PAPLN: variants seen among roughly 807,000 people sequenced by gnomAD.
The protein encoded by PAPLN is papilin.
Under a neutral mutation model 159.0 loss-of-function variants are expected in PAPLN, and 146 were observed. The observed-to-expected ratio is 0.92, with a 90% confidence interval of 0.80 to 1.05. The LOEUF (loss-of-function observed/expected upper bound fraction) is 1.05, where lower values mean the gene tolerates loss of function less well. PAPLN is among the 50% of genes least tolerant of loss of function. The pLI is 0.00. For synonymous variants in PAPLN, 734 were observed against 702.9 expected (o/e 1.04, Z -0.70); for missense variants, 1,720 against 1,743.9 (o/e 0.99, Z 0.24).
At chr14:73,271,503 A>AT (rs57834403) in intron 26 of PAPLN, among the ~76,000 whole-genome samples, 15,355 of 143,554 alleles carry the variant, frequency 0.11, 1,123 homozygotes, top group East Asian at 0.22. Context: ...GTAGAATGAA[A>AT]TTTTTTTTTT....
chr14:73,266,754 T>C lies in PAPLN; in HGVS notation c.3423T>C (p.Thr1141=), dbSNP rs778681504. ...GELTISGLPP[T]VTVPEGDTAR... The stretch of plus-strand genomic sequence containing the variant: ...TGACAATCTCAGGACTGCCCCCTAC[T>C]GTGACAGTGCCAGAGGGTGATACGG... The change falls in exon 25 of 27, where the codon ACT becomes ACC. Residue 1141 remains threonine, a synonymous_variant. Coordinates refer to ENST00000644200, the MANE Select transcript of PAPLN (RefSeq NM_001365906.3). The C allele has an allele frequency of 2.5e-6, 4 of 1,613,898 alleles. No homozygotes were observed. Among genetic ancestry groups the C allele is most frequent in the East Asian group, 2.2e-5 (1 of 44,884 alleles).
At chr14:73,262,879 A>G in intron 19 of PAPLN, 52 bp downstream of exon 19, 1 of 1,375,828 alleles carries the variant, frequency 7.3e-7, no homozygotes, top group South Asian at 2.0e-5. Context: ...GACAAGGAGC[A>G]TGCCAGTTGG....
chr14:73,248,092 T>C lies in PAPLN; in HGVS notation c.335-1892T>C, dbSNP rs967469010. ...CATATCCTCTGTGTGTGTGTGTGTG[T>C]GTGTGTGTGTGTGTGCGCGTGTGTG... is the stretch of plus-strand genomic sequence containing the variant. On this transcript the variant is annotated intron_variant, in intron 5 of 26. Coordinates refer to ENST00000644200, the MANE Select transcript of PAPLN (RefSeq NM_001365906.3). Among the ~76,000 whole-genome samples the C allele has an allele frequency of 7.1e-4, 72 of 101,708 alleles. 3 individuals are homozygous for C. The highest frequency in any genetic ancestry group is 3.4e-3 in the East Asian group (4 of 1,176). 66.7% of individuals were successfully genotyped at this position (101,708 alleles called of 152,430 possible). A position where few individuals can be genotyped will look rare whatever the true frequency, so the allele number is the denominator to read the frequency against.
intron 6 of PAPLN, among the ~76,000 whole-genome samples, chr14:73,250,698 G>A (rs1288663204): frequency 6.6e-6 from 1 of 152,190 alleles, no homozygotes; most frequent in East Asian, 1.9e-4. Flanking sequence ...AGGAAAACAG[G>A]GCATTATTAC....
In PAPLN at chr14:73,260,221, A is replaced by T. The variant is rs563464292; in HGVS notation, c.1986-488A>T. Among the ~76,000 whole-genome samples, 45 of 152,244 alleles carry T rather than the reference A, an allele frequency of 3.0e-4. 1 individual carries two copies. In the South Asian group the frequency reaches 8.9e-3, roughly 30 times the overall value. ...TCGTGATGGGGTTCCTGTGAGGGTG[A>T]AGTGCATCACAGCATGCCTGGCACA... On this transcript the variant is annotated intron_variant, in intron 16 of 26. Transcript: ENST00000644200.
Position 73,254,651 on chromosome 14 carries a change from C to A in PAPLN, c.1441C>A (p.Pro481Thr). 1.2e-6 allele frequency: 2 copies of A among 1,614,024 alleles called. No homozygotes were observed. Among genetic ancestry groups the A allele is most frequent in the Non-Finnish European group, 1.7e-6 (2 of 1,179,918 alleles). The part of the protein sequence containing the change: ...LTEPCVHEDC[P>T]LLSDQAWHVG... ...TGAGCCCTGTGTGCATGAGGACTGC[C>A]CCCTCCTCAGTGACCAGGCCTGGCA... Residue 481 changes from proline to threonine, a missense_variant, in exon 13 of 27, where the codon CCC becomes ACC. Transcript: ENST00000644200.
intron 10 of PAPLN, 36 bp downstream of exon 10, chr14:73,252,177 C>A: frequency 1.3e-6 from 2 of 1,546,100 alleles, no homozygotes; most frequent in South Asian, 1.2e-5. Flanking sequence ...GGGCATGGGC[C>A]CTGTGTGCTG....
In PAPLN at chr14:73,251,939, T is replaced by C. The variant is rs1052323842; in HGVS notation, c.844-79T>C. 101 of 1,550,978 alleles carry C rather than the reference T, an allele frequency of 6.5e-5. No homozygotes were observed. The Middle Eastern group carries it at 1.9e-3, about 29-fold the overall frequency. ...GGTTGAGTGGCTCTGGGCTTGAGGC[T>C]GGCAGGGGGCTGTGAGGCTGCGGAG... On this transcript the variant is annotated intron_variant, in intron 9 of 26. Transcript: ENST00000644200.
rs1170940326 is a variant in PAPLN, at chr14:73,250,900, C to T, written c.466-7C>T. The T allele has an allele frequency of 1.1e-5, 18 of 1,609,784 alleles. No individual in the cohort carries two copies. The highest frequency in any genetic ancestry group is 2.7e-5 in the African/African-American group (2 of 74,990). The stretch of plus-strand genomic sequence containing the variant: ...GTCTCCCCTGCCTCCCGCATCTCTG[C>T]CCACAGGTTGTCGGCTGTGATCACG... On this transcript the variant is annotated splice_region_variant and splice_polypyrimidine_tract_variant and intron_variant, in intron 6 of 26. Transcript: ENST00000644200.
At position 73,259,334 on chromosome 14, in the gene PAPLN, CGAG is replaced by C. The variant is rs762657512; in HGVS notation, c.1776_1778del (p.Gly593del). On this transcript the variant is annotated inframe_deletion, in exon 16 of 27. Coordinates refer to ENST00000644200, the MANE Select transcript of PAPLN (RefSeq NM_001365906.3). ...AGCCAGGGGTGACCACAGGGGAGAA[CGAG>C]GTGACCCCAGGGGCGACCAAGGCAC... is the stretch of plus-strand genomic sequence containing the variant. 6.2e-7 allele frequency: 1 copy of C among 1,609,088 alleles called. No homozygotes were observed. Among genetic ancestry groups the C allele is most frequent in the Non-Finnish European group, 8.5e-7 (1 of 1,177,104 alleles).
At chr14:73,253,042 C>T (rs1885477382) in intron 11 of PAPLN, 4 of 1,181,476 alleles carry the variant, frequency 3.4e-6, no homozygotes, top group Non-Finnish European at 3.5e-6. Flanking sequence ...GAGAAGGTTC[C>T]AGAGGTCCCT....
chr14:73,251,870 G>T, intron 9 of PAPLN, 34 bp downstream of exon 9: 4 of 1,562,848 alleles, frequency 2.6e-6, no homozygotes, highest in Non-Finnish European at 3.5e-6. Flanking sequence ...GGGCGAGTGG[G>T]CAGCTCGTGG....
intron 16 of PAPLN, 22 bp from the exon 17 acceptor site, chr14:73,260,687 G>A: frequency 6.9e-7 from 1 of 1,441,648 alleles, no homozygotes; most frequent in Non-Finnish European, 9.1e-7. Context: ...GGGCAGTGAG[G>A]GGCTGTGTGA....
chr14:73,238,049 G>A (rs1883160057), intron 1 of PAPLN, among the ~76,000 whole-genome samples: 1 of 152,188 alleles, frequency 6.6e-6, no homozygotes, highest in African/African-American at 2.4e-5. Flanking sequence ...CCGCCTCGGG[G>A]GTGCGCGGCG....
Position 73,246,139 on chromosome 14 carries a change from C to A in PAPLN, c.298C>A (p.Gln100Lys). 1 of 1,590,418 alleles carries A rather than the reference C, an allele frequency of 6.3e-7. No homozygotes were observed. Among genetic ancestry groups the A allele is most frequent in the Non-Finnish European group, 8.5e-7 (1 of 1,171,270 alleles). ...CGCGGAGTTCGACGGAGCGGAGTTC[C>A]AGGGGCGGCGGTATCGGTGGCTGCC... ...QCAEFDGAEFQGRRYRWLPYY... is the reference protein window; with the variant it reads ...QCAEFDGAEFKGRRYRWLPYY... The change falls in exon 5 of 27, where the codon CAG (glutamine) becomes AAG (lysine). Residue 100 changes from glutamine (Q) to lysine (K), a missense_variant. Coordinates refer to ENST00000644200, the MANE Select transcript of PAPLN (RefSeq NM_001365906.3).
intron 2 of PAPLN, among the ~76,000 whole-genome samples, chr14:73,242,419 A>G (rs2242606): frequency 0.14 from 21,817 of 152,228 alleles, 1,958 homozygotes; most frequent in East Asian, 0.42. Context: ...GAGCCAAGAC[A>G]GACATCCAAA....
At position 73,264,024 on chromosome 14, in the gene PAPLN, T is replaced by C. The variant is rs563438422; in HGVS notation, c.2862-187T>C. The C allele has an allele frequency of 2.7e-3, 3,852 of 1,435,396 alleles. 101 individuals are homozygous for C. The African/African-American group carries it at 0.043, about 16-fold the overall frequency. 88.9% of individuals were successfully genotyped at this position (1,435,396 alleles called of 1,614,324 possible). On this transcript the variant is annotated intron_variant, in intron 20 of 26. Transcript: ENST00000644200. ...TCCTCTGACAGGTTCACGTGACAGCTCCCTCCACCTCCGCTGACAGGTGTG... is the reference window on the plus strand; with the variant it reads ...TCCTCTGACAGGTTCACGTGACAGCCCCCTCCACCTCCGCTGACAGGTGTG...
Position 73,259,385 on chromosome 14 carries a change from G to C in PAPLN, c.1825G>C (p.Ala609Pro). 3.1e-6 allele frequency: 5 copies of C among 1,612,040 alleles called. No homozygotes were observed. The highest frequency in any genetic ancestry group is 4.2e-6 in the Non-Finnish European group (5 of 1,179,206). The change falls in exon 16 of 27, where the codon GCT becomes CCT. Residue 609 changes from alanine to proline, a missense_variant. Physicochemically the swap from Ala to Pro is conservative, Grantham distance 27. Coordinates refer to ENST00000644200, the MANE Select transcript of PAPLN (RefSeq NM_001365906.3). The stretch of plus-strand genomic sequence containing the variant: ...CACCCACCTGTCAGCCCTGGGCCCC[G>C]CTCCCTCTCTGCAGCAGCCCCCATA... ...QGTHLSALGP[A>P]PSLQQPPYQQ...
intron 4 of PAPLN, 30 bp from the exon 5 acceptor site, chr14:73,246,043 C>T (rs1884241242): frequency 1.3e-6 from 2 of 1,515,806 alleles, no homozygotes; most frequent in Non-Finnish European, 1.8e-6. Flanking sequence ...CTCCGCCCTC[C>T]TGGATCCCGA....
Sources: gnomAD v4.1 joint callset for allele counts (sites outside exome capture counted in the v4.1 genomes callset) on GRCh38, gnomAD v4.1.1 for gene constraint, MANE v1.5 for transcripts, NCBI Gene and HGNC (gene_info 2026-07-23, HGNC 2026-07-21) for gene names.